Variants in ARHGAP10 observed in about 807,000 individuals in gnomAD.
The protein encoded by ARHGAP10 is Rho GTPase activating protein 10, also known as rho GTPase-activating protein 10.
Under a neutral mutation model 108.6 loss-of-function variants are expected in ARHGAP10, and 87 were observed. That is an observed-to-expected ratio of 0.80 (90% CI 0.67 to 0.96). The LOEUF is 0.96. ARHGAP10 is among the 40% of genes least tolerant of loss of function. The pLI is 0.00. For missense variants in ARHGAP10, 939 were observed against 954.5 expected, an observed-to-expected ratio of 0.98 and a Z score of 0.21; for synonymous variants, 347 against 341.1, an observed-to-expected ratio of 1.02 and a Z score of -0.19.
intron 20 of ARHGAP10, among the ~76,000 whole-genome samples, chr4:148,057,670 G>A (rs1729421619): frequency 6.6e-6 from 1 of 152,196 alleles, no homozygotes; most frequent in Non-Finnish European, 1.5e-5. Flanking sequence ...GCCTCCTCCA[G>A]GAAGCCCTCC....
At chr4:148,017,652 C>CTATA (rs35472561) in intron 18 of ARHGAP10, among the ~76,000 whole-genome samples, 11,339 of 104,736 alleles carry the variant, frequency 0.11, 569 homozygotes, top group Middle Eastern at 0.12. Flanking sequence ...GAGCCAGTAA[C>CTATA]TATATATATA....
At chr4:148,037,844 A>G (rs558038368) in intron 19 of ARHGAP10, among the ~76,000 whole-genome samples, 13 of 151,978 alleles carry the variant, frequency 8.6e-5, no homozygotes, top group Non-Finnish European at 4.4e-5. Context: ...AAAAAAAAAA[A>G]AAAAGAAAAG....
chr4:147,926,405 C>A (rs764941709), intron 13 of ARHGAP10, among the ~76,000 whole-genome samples: 3 of 152,068 alleles, frequency 2.0e-5, no homozygotes, highest in African/African-American at 7.2e-5. Flanking sequence ...AATTTGATGA[C>A]CTGCTGGATA....
At chr4:147,913,242 G>T in intron 13 of ARHGAP10, 103 bp downstream of exon 13, 1 of 997,842 alleles carries the variant, frequency 1.0e-6, no homozygotes, top group South Asian at 1.4e-5. Flanking sequence ...AATGAAACGT[G>T]TTAACACAAA....
intron 14 of ARHGAP10, among the ~76,000 whole-genome samples, chr4:147,941,225 C>T (rs1364448991): frequency 6.6e-6 from 1 of 152,144 alleles, no homozygotes; most frequent in Non-Finnish European, 1.5e-5. Context: ...TAAATTGGTC[C>T]TAAGGACCTG....
chr4:148,019,233 C>G (rs1578796339), intron 18 of ARHGAP10, among the ~76,000 whole-genome samples: 2 of 152,154 alleles, frequency 1.3e-5, no homozygotes, highest in Non-Finnish European at 2.9e-5. Context: ...TTAGTGCCCT[C>G]TAAAATAGCA....
At chr4:147,999,662 G>A (rs1052469760) in intron 18 of ARHGAP10, among the ~76,000 whole-genome samples, 10 of 152,246 alleles carry the variant, frequency 6.6e-5, no homozygotes, top group African/African-American at 9.6e-5. Context: ...CCACAGCTTC[G>A]AATAGAGCTC....
chr4:147,875,602 A>G (rs560198851), intron 8 of ARHGAP10, among the ~76,000 whole-genome samples: 65 of 152,240 alleles, frequency 4.3e-4, no homozygotes, highest in African/African-American at 1.3e-3. Flanking sequence ...CCTCTCTGTC[A>G]TCTTAAGGTC....
intron 10 of ARHGAP10, among the ~76,000 whole-genome samples, chr4:147,896,082 A>G (rs1393873481): frequency 6.6e-6 from 1 of 152,222 alleles, no homozygotes; most frequent in African/African-American, 2.4e-5. Flanking sequence ...GTCATGATGT[A>G]CTAGCTTTTT....
chr4:147,853,407 G>A (rs949483662), intron 4 of ARHGAP10, among the ~76,000 whole-genome samples: 10 of 152,132 alleles, frequency 6.6e-5, no homozygotes, highest in Non-Finnish European at 1.2e-4. Context: ...ATTTAATTTT[G>A]TAGTTTGAAA....
chr4:147,803,509 C>T (rs1260495176), intron 1 of ARHGAP10, among the ~76,000 whole-genome samples: 1 of 152,198 alleles, frequency 6.6e-6, no homozygotes, highest in Non-Finnish European at 1.5e-5. Context: ...AGTCAGCCTT[C>T]TGTACTGTCA....
intron 1 of ARHGAP10, among the ~76,000 whole-genome samples, chr4:147,808,107 G>C (rs1371690080): frequency 6.6e-6 from 1 of 152,166 alleles, no homozygotes; most frequent in African/African-American, 2.4e-5. Flanking sequence ...AAGTTAGAAA[G>C]TATGGATCAC....
At chr4:148,057,081 C>T (rs1379820840) in intron 20 of ARHGAP10, among the ~76,000 whole-genome samples, 1 of 152,170 alleles carries the variant, frequency 6.6e-6, no homozygotes, top group Non-Finnish European at 1.5e-5. Flanking sequence ...AACTGTGGGC[C>T]AACCTCTGGG....
chr4:147,815,443 T>C (rs1188599178), intron 1 of ARHGAP10, among the ~76,000 whole-genome samples: 3 of 152,100 alleles, frequency 2.0e-5, no homozygotes, highest in Non-Finnish European at 4.4e-5. Context: ...TCAGATGTGA[T>C]TAAAGACCCT....
At chr4:147,776,387 T>G (rs1022029003) in intron 1 of ARHGAP10, among the ~76,000 whole-genome samples, 3 of 152,026 alleles carry the variant, frequency 2.0e-5, no homozygotes, top group African/African-American at 7.2e-5. Context: ...ACCCAGCTAA[T>G]TTTTGTATTT....
At chr4:147,759,289 A>G (rs1729501800) in intron 1 of ARHGAP10, among the ~76,000 whole-genome samples, 1 of 152,232 alleles carries the variant, frequency 6.6e-6, no homozygotes, top group Non-Finnish European at 1.5e-5. Context: ...AGAGGCTCAG[A>G]GGTGAAATAA....
chr4:147,732,503 T>C (rs754911229), intron 1 of ARHGAP10, 48 bp downstream of exon 1: 13 of 1,600,828 alleles, frequency 8.1e-6, no homozygotes, highest in Non-Finnish European at 1.0e-5. Flanking sequence ...GCGAGGCGGC[T>C]GGGGGAGCCT....
chr4:148,052,032 C>T (rs1284883103), intron 20 of ARHGAP10, among the ~76,000 whole-genome samples: 3 of 152,120 alleles, frequency 2.0e-5, no homozygotes, highest in Admixed American at 6.5e-5. Context: ...TACCAGAGTA[C>T]CCCGCTCCCC....
In ARHGAP10 at chr4:147,767,694, C is replaced by G. The variant is rs148116064; in HGVS notation, c.154+35239C>G. 2.0e-5 allele frequency among the ~76,000 whole-genome samples: 3 copies of G among 152,206 alleles called. No individual in the cohort carries two copies. The East Asian group carries it at 5.8e-4, about 29-fold the overall frequency. ...GTCATACCTGTGAATAGCCACTGCA[C>G]TCCACTCTGGGCAATATAATGAGAT... On this transcript the variant is annotated intron_variant, in intron 1 of 22. Transcript: ENST00000336498.
Sources: allele counts gnomAD v4.1 joint callset (sites outside exome capture counted in the v4.1 genomes callset), GRCh38; gene constraint gnomAD v4.1.1; transcripts MANE v1.5; gene names NCBI Gene and HGNC (gene_info 2026-07-23, HGNC 2026-07-21).